Variants in TJP1 observed in about 807,000 individuals in gnomAD.
TJP1 encodes tight junction protein 1, also known as tight junction protein ZO-1.
In TJP1, 43 loss-of-function variants were observed where a neutral mutation model predicts 194.2. The observed-to-expected ratio is 0.22, with a 90% CI of 0.17 to 0.29. The LOEUF (loss-of-function observed/expected upper bound fraction) is 0.29. Ranked by LOEUF, TJP1 falls within the 10% of genes least tolerant of loss-of-function variation. The pLI is 1.00. For missense variants in TJP1, 1,971 were observed against 2,185.7 expected (o/e 0.90, Z 1.96); for synonymous variants, 801 against 779.0 (o/e 1.03, Z -0.47).
intron 8 of TJP1, among the ~76,000 whole-genome samples, chr15:29,755,943 T>A (rs2045615981): frequency 6.6e-6 from 1 of 152,116 alleles, no homozygotes; most frequent in Non-Finnish European, 1.5e-5. Context: ...TTTATAAAAA[T>A]TTATAGAATA....
intron 27 of TJP1, among the ~76,000 whole-genome samples, chr15:29,702,829 C>G (rs1431179969): frequency 6.6e-6 from 1 of 152,158 alleles, no homozygotes; most frequent in Non-Finnish European, 1.5e-5. Context: ...CTTTAGACCA[C>G]AAACTTTTAT....
intron 18 of TJP1, among the ~76,000 whole-genome samples, chr15:29,723,699 T>C (rs959944137): frequency 6.6e-6 from 1 of 152,230 alleles, no homozygotes; most frequent in Non-Finnish European, 1.5e-5. Context: ...AGAAACAGTA[T>C]CCAACAGATG....
chr15:29,808,664 G>C (rs557801135), intron 1 of TJP1, among the ~76,000 whole-genome samples: 3 of 152,278 alleles, frequency 2.0e-5, no homozygotes, highest in African/African-American at 7.2e-5. Context: ...GAAAGAATAA[G>C]ATATTTACTC....
intron 2 of TJP1, among the ~76,000 whole-genome samples, chr15:29,920,467 C>A (rs917259384): frequency 2.6e-5 from 4 of 152,134 alleles, no homozygotes; most frequent in Non-Finnish European, 4.4e-5. Flanking sequence ...GAAAAGCAAA[C>A]TGAAGGATGG....
intron 2 of TJP1, among the ~76,000 whole-genome samples, chr15:29,905,105 G>A (rs2053763405): frequency 1.3e-5 from 2 of 152,302 alleles, no homozygotes; most frequent in Admixed American, 1.3e-4. Flanking sequence ...CTTTGTCACA[G>A]CAGTCCTAGC....
chr15:29,735,978 G>A (rs1266915961), intron 11 of TJP1, among the ~76,000 whole-genome samples: 1 of 152,174 alleles, frequency 6.6e-6, no homozygotes, highest in East Asian at 1.9e-4. Flanking sequence ...TGTAGCAAGA[G>A]AAGCAGAGAG....
At chr15:29,742,609 T>C (rs1216357422) in intron 9 of TJP1, 33 bp downstream of exon 9, 2 of 1,515,278 alleles carry the variant, frequency 1.3e-6, no homozygotes, top group Non-Finnish European at 1.8e-6. Context: ...TACTTGCAAA[T>C]GTTTCTTGAA....
intron 1 of TJP1, among the ~76,000 whole-genome samples, chr15:29,821,749 C>T (rs1218881188): frequency 2.6e-5 from 4 of 151,538 alleles, no homozygotes; most frequent in African/African-American, 9.7e-5. Context: ...CAGCTATGCA[C>T]CTGCCCAGTA....
At chr15:29,720,331 A>T in intron 19 of TJP1, 27 bp downstream of exon 19, 1 of 1,517,144 alleles carries the variant, frequency 6.6e-7, no homozygotes, top group Non-Finnish European at 8.8e-7. Flanking sequence ...ACCTCTATCT[A>T]CAAAACGTTG....
chr15:29,803,782 A>G (rs1028648685), intron 1 of TJP1, among the ~76,000 whole-genome samples: 1 of 152,142 alleles, frequency 6.6e-6, no homozygotes, highest in Admixed American at 6.5e-5. Flanking sequence ...ATACTAAAAC[A>G]TAATTGCTCT....
At chr15:29,770,299 C>T (rs368951203) in intron 4 of TJP1, among the ~76,000 whole-genome samples, 183 of 151,834 alleles carry the variant, frequency 1.2e-3, no homozygotes, top group African/African-American at 3.8e-3. Flanking sequence ...ATACAAAATA[C>T]GGGCTTGGTA....
At chr15:29,825,598 A>G (rs1247650805), upstream of TJP1, among the ~76,000 whole-genome samples, 1 of 152,196 alleles carries the variant, frequency 6.6e-6, no homozygotes, top group Non-Finnish European at 1.5e-5. Flanking sequence ...GTATATATGT[A>G]TATGTATGGT....
At chr15:29,829,888 AAACT>A (rs1414091445) in intron 2 of TJP1, among the ~76,000 whole-genome samples, 1 of 152,120 alleles carries the variant, frequency 6.6e-6, no homozygotes, top group Non-Finnish European at 1.5e-5. Context: ...ACTGGAAGGA[AAACT>A]AAGAACAAGT....
intron 2 of TJP1, among the ~76,000 whole-genome samples, chr15:29,907,858 T>C (rs1435920537): frequency 1.3e-5 from 2 of 151,846 alleles, no homozygotes; most frequent in African/African-American, 4.8e-5. Flanking sequence ...CACCGCCTAA[T>C]TCCTTTGCTT....
At chr15:29,863,669 A>G (rs1317111340) in intron 2 of TJP1, among the ~76,000 whole-genome samples, 1 of 152,130 alleles carries the variant, frequency 6.6e-6, no homozygotes, top group African/African-American at 2.4e-5. Flanking sequence ...GATGATGTAG[A>G]CAGAGAAGAG....
chr15:29,719,232 A>C, intron 20 of TJP1, 94 bp from the exon 21 acceptor site: 1 of 1,331,168 alleles, frequency 7.5e-7, no homozygotes, highest in Non-Finnish European at 1.0e-6. Flanking sequence ...ACGATTTAAT[A>C]TGTGAAAATG....
intron 2 of TJP1, among the ~76,000 whole-genome samples, chr15:29,928,822 G>C (rs1422941074): frequency 6.6e-6 from 1 of 151,778 alleles, no homozygotes; most frequent in Admixed American, 6.6e-5. Flanking sequence ...GGCGCCTGTA[G>C]TCCCAGCTAC....
intron 1 of TJP1, chr15:29,968,219 C>A: frequency 2.0e-6 from 2 of 985,444 alleles, no homozygotes; most frequent in South Asian, 9.4e-5. Flanking sequence ...CTACTATGCA[C>A]TCAGCAGCAG....
At chr15:29,707,559 C>T (rs905954440) in intron 25 of TJP1, among the ~76,000 whole-genome samples, 10 of 152,140 alleles carry the variant, frequency 6.6e-5, no homozygotes, top group Non-Finnish European at 1.3e-4. Flanking sequence ...TTCTCCCTGC[C>T]TGCAAGTGCT....
Sources: allele counts gnomAD v4.1 joint callset (sites outside exome capture counted in the v4.1 genomes callset), GRCh38; gene constraint gnomAD v4.1.1; transcripts MANE v1.5; gene names NCBI Gene and HGNC (gene_info 2026-07-23, HGNC 2026-07-21).